The following NRG1 variants were observed in gnomAD, a reference collection of about 807,000 sequenced individuals.
NRG1 encodes pro-neuregulin-1, membrane-bound isoform.
NRG1 carries 18 observed loss-of-function variants against 63.8 expected under a neutral mutation model. That is an observed-to-expected ratio of 0.28 (90% confidence interval 0.19 to 0.42). The LOEUF is 0.42. NRG1 is among the 10% of genes least tolerant of loss of function. NRG1 has a pLI of 1.00. For synonymous variants in NRG1, 302 were observed against 301.3 expected, an observed-to-expected ratio of 1.00 and a Z score of -0.02; for missense variants, 762 against 814.7, an observed-to-expected ratio of 0.94 and a Z score of 0.79.
At chr8:31,715,682 G>A (rs1812282651) in intron 1 of NRG1, among the ~76,000 whole-genome samples, 2 of 152,142 alleles carry the variant, frequency 1.3e-5, no homozygotes, top group African/African-American at 4.8e-5. Flanking sequence ...GGAAGGAACT[G>A]TGTTGGGTGC....
intron 1 of NRG1, among the ~76,000 whole-genome samples, chr8:31,858,246 C>T (rs1481962304): frequency 6.6e-6 from 1 of 151,560 alleles, no homozygotes; most frequent in East Asian, 1.9e-4. Flanking sequence ...TTGCAATGAG[C>T]TGAGATGGCG....
intron 1 of NRG1, among the ~76,000 whole-genome samples, chr8:31,682,916 C>T (rs958236204): frequency 3.9e-5 from 6 of 152,060 alleles, no homozygotes; most frequent in African/African-American, 1.4e-4. Context: ...TCAGGGGAAC[C>T]CCCACGCTTT....
At chr8:32,772,080 TATATATATAA>T (rs1831861954), downstream of NRG1, among the ~76,000 whole-genome samples, 3 of 119,874 alleles carry the variant, frequency 2.5e-5, no homozygotes, top group African/African-American at 9.5e-5. Flanking sequence ...TATATATATA[TATATATATAA>T]AATCCCACCA....
At chr8:32,404,219 C>T (rs1168721872) in intron 1 of NRG1, among the ~76,000 whole-genome samples, 2 of 152,114 alleles carry the variant, frequency 1.3e-5, no homozygotes, top group Non-Finnish European at 2.9e-5. Context: ...TGTGCAGTTC[C>T]ACAGCTGCAG....
At chr8:31,911,961 A>G (rs900717311) in intron 1 of NRG1, among the ~76,000 whole-genome samples, 8 of 152,176 alleles carry the variant, frequency 5.3e-5, no homozygotes, top group African/African-American at 1.9e-4. Flanking sequence ...TCCCGGATTC[A>G]TTGGTTATTG....
intron 1 of NRG1, among the ~76,000 whole-genome samples, chr8:32,048,659 A>G (rs1300296903): frequency 2.0e-5 from 3 of 151,698 alleles, no homozygotes; most frequent in Admixed American, 1.3e-4. Context: ...GGTAAAAGCC[A>G]TTCTAATAGG....
At chr8:31,982,986 T>G (rs927270516) in intron 1 of NRG1, among the ~76,000 whole-genome samples, 5 of 152,130 alleles carry the variant, frequency 3.3e-5, no homozygotes, top group African/African-American at 1.2e-4. Context: ...AGGAGAAAGC[T>G]GTGCCTTCTC....
chr8:32,331,917 T>C (rs1333430660), intron 1 of NRG1, among the ~76,000 whole-genome samples: 4 of 152,124 alleles, frequency 2.6e-5, no homozygotes. Context: ...ATGATGACTA[T>C]GTCAAATGGA....
At chr8:32,158,397 C>T (rs751872847) in intron 1 of NRG1, among the ~76,000 whole-genome samples, 6 of 134,784 alleles carry the variant, frequency 4.5e-5, no homozygotes, top group Non-Finnish European at 9.5e-5. Context: ...AATGGGGATT[C>T]CTCCCACCCC....
rs148852546 is a variant in NRG1, at chr8:32,212,577, C to T, written c.38-383251C>T. Among the ~76,000 whole-genome samples, 99 of 152,234 alleles carry T rather than the reference C, an allele frequency of 6.5e-4. 1 individual carries two copies. In the East Asian group the frequency reaches 0.018, roughly 28 times the overall value. ...CCATATAGTATTTTCCATGAGCTTT[C>T]ATGAGTTATGCTTTATTATATAAAC... On this transcript the variant is annotated intron_variant, in intron 1 of 10. Coordinates refer to the NRG1 transcript ENST00000519301.
rs184376925 is a variant in NRG1 at position 32,459,845 on chromosome 8, G to A, written c.38-135983G>A. Among the ~76,000 whole-genome samples the A allele has an allele frequency of 3.3e-5, 5 of 152,252 alleles. No individual in the cohort carries two copies. The East Asian group carries it at 5.8e-4, about 18-fold the overall frequency. ...TTTGCAATTGCTATTTTCTATGGCT[G>A]GAACACTTTCTCCTCAGATCTGCAA... On this transcript the variant is annotated intron_variant, in intron 1 of 10. Coordinates refer to the NRG1 transcript ENST00000519301.
chr8:31,741,759 A>G (rs879492019), intron 1 of NRG1, among the ~76,000 whole-genome samples: 3 of 152,026 alleles, frequency 2.0e-5, no homozygotes, highest in Non-Finnish European at 4.4e-5. Context: ...GGGGTATACA[A>G]TTGCTTTGGA....
intron 5 of NRG1, among the ~76,000 whole-genome samples, chr8:32,676,325 G>A (rs1442814471): frequency 6.6e-6 from 1 of 152,270 alleles, no homozygotes; most frequent in Non-Finnish European, 1.5e-5. Flanking sequence ...TGACCCCAGG[G>A]GGGCTTTGCA....
chr8:32,748,358 C>CACACACACACAGAG (rs748763782), intron 7 of NRG1, among the ~76,000 whole-genome samples: 1 of 121,960 alleles, frequency 8.2e-6, no homozygotes, highest in African/African-American at 3.0e-5. Context: ...CACACACACA[C>CACACACACACAGAG]AGAGAGAGAG....
intron 8 of NRG1, among the ~76,000 whole-genome samples, chr8:32,755,373 T>C (rs1259613316): frequency 6.6e-6 from 1 of 152,220 alleles, no homozygotes; most frequent in African/African-American, 2.4e-5. Flanking sequence ...ATAATCTGAA[T>C]GTTGCATTGA....
At chr8:32,224,897 T>C (rs1417844813) in intron 1 of NRG1, among the ~76,000 whole-genome samples, 2 of 152,220 alleles carry the variant, frequency 1.3e-5, no homozygotes, top group Non-Finnish European at 2.9e-5. Context: ...AGATTTTCAA[T>C]GTGCCAGGCA....
At chr8:32,313,776 G>C (rs1857075595) in intron 1 of NRG1, among the ~76,000 whole-genome samples, 1 of 152,062 alleles carries the variant, frequency 6.6e-6, no homozygotes, top group South Asian at 2.1e-4. Flanking sequence ...CCCAGAGAAA[G>C]TTGTTTCTAT....
chr8:32,739,838 G>A (rs375883979), intron 6 of NRG1, among the ~76,000 whole-genome samples: 17 of 152,224 alleles, frequency 1.1e-4, no homozygotes, highest in South Asian at 1.0e-3. Flanking sequence ...CATACACAGC[G>A]TGTTCACATA....
chr8:32,658,032 C>A (rs1801953710), intron 5 of NRG1, among the ~76,000 whole-genome samples: 1 of 152,160 alleles, frequency 6.6e-6, no homozygotes, highest in African/African-American at 2.4e-5. Flanking sequence ...AATCTTCCTA[C>A]TTCCACGATA....
Sources: gnomAD v4.1 joint callset for allele counts (sites outside exome capture counted in the v4.1 genomes callset) on GRCh38, gnomAD v4.1.1 for gene constraint, MANE v1.5 for transcripts, NCBI Gene and HGNC (gene_info 2026-07-23, HGNC 2026-07-21) for gene names.